The following TLL2 variants were observed in gnomAD, a reference collection of about 807,000 sequenced individuals.
TLL2 encodes tolloid like 2.
In TLL2, 106 loss-of-function variants were observed where a neutral mutation model predicts 123.0. The ratio of observed to expected loss-of-function variants is 0.86; its 90% CI spans 0.74 to 1.01. TLL2 has a LOEUF of 1.01. TLL2 is among the 50% of genes least tolerant of loss of function. The pLI is 0.00. For synonymous variants in TLL2, 494 were observed against 516.8 expected, an observed-to-expected ratio of 0.96 and a Z score of 0.60; for missense variants, 1,332 against 1,336.7, an observed-to-expected ratio of 1.00 and a Z score of 0.06.
intron 2 of TLL2, among the ~76,000 whole-genome samples, chr10:96,454,011 GCACACA>G (rs138026221): frequency 1.3e-5 from 2 of 149,944 alleles, no homozygotes; most frequent in African/African-American, 4.9e-5. Context: ...GTGTGCGCCT[GCACACA>G]CACACACACA....
At position 96,387,536 on chromosome 10, in the gene TLL2, C is replaced by A. The variant is rs1342675978; in HGVS notation, c.1727-458G>T. Among the ~76,000 whole-genome samples the A allele has an allele frequency of 8.5e-5, 13 of 152,284 alleles. No individual in the cohort carries two copies. In the East Asian group the frequency reaches 2.1e-3, roughly 25 times the overall value. On this transcript the variant is annotated intron_variant, in intron 13 of 20. Coordinates refer to ENST00000357947, the MANE Select transcript of TLL2 (RefSeq NM_012465.4). The stretch of plus-strand genomic sequence containing the variant: ...TGCTAGATGAAGATGTGTCAGTATT[C>A]TCTAGACATTAGAGACAGAATCTGT...
At chr10:96,471,195 G>A (rs1847179478) in intron 2 of TLL2, among the ~76,000 whole-genome samples, 1 of 152,094 alleles carries the variant, frequency 6.6e-6, no homozygotes, top group African/African-American at 2.4e-5. Flanking sequence ...AGTAGAGATG[G>A]GGTTTCACTA....
intron 4 of TLL2, among the ~76,000 whole-genome samples, chr10:96,432,222 C>T (rs1368139173): frequency 6.6e-6 from 1 of 152,182 alleles, no homozygotes; most frequent in Non-Finnish European, 1.5e-5. Context: ...CCATTTGATT[C>T]TCAAAACAAC....
chr10:96,388,879 C>A (rs947530138), intron 13 of TLL2, among the ~76,000 whole-genome samples: 3 of 152,208 alleles, frequency 2.0e-5, no homozygotes, highest in African/African-American at 7.2e-5. Context: ...GTGATGTACT[C>A]TTGGGCTCAA....
At chr10:96,402,789 A>T (rs11599534) in intron 10 of TLL2, among the ~76,000 whole-genome samples, 16,956 of 152,186 alleles carry the variant, frequency 0.11, 1,199 homozygotes, top group South Asian at 0.19. Context: ...CTGCCAGGCT[A>T]CCTTGAGTCC....
At chr10:96,499,345 T>TG (rs1358767281) in intron 1 of TLL2, among the ~76,000 whole-genome samples, 1 of 152,104 alleles carries the variant, frequency 6.6e-6, no homozygotes, top group East Asian at 1.9e-4. Context: ...TGGGTGGAGG[T>TG]GGGGGTGGCT....
chr10:96,473,844 A>ACAAG, intron 2 of TLL2, among the ~76,000 whole-genome samples: 1 of 152,206 alleles, frequency 6.6e-6, no homozygotes, highest in Admixed American at 6.5e-5. Context: ...AAACAAACAA[A>ACAAG]CAGAAAGTTC....
chr10:96,370,911 C>A (rs930352097), intron 19 of TLL2, among the ~76,000 whole-genome samples: 2 of 152,202 alleles, frequency 1.3e-5, no homozygotes, highest in Non-Finnish European at 2.9e-5. Context: ...AGGCTCTGGG[C>A]TGGTATTCTG....
intron 16 of TLL2, among the ~76,000 whole-genome samples, chr10:96,382,793 G>C (rs190506487): frequency 5.3e-5 from 8 of 152,290 alleles, no homozygotes; most frequent in Admixed American, 3.3e-4. Flanking sequence ...ATACATTTCT[G>C]TTCACTATAA....
In TLL2 at chr10:96,384,657, GT is replaced by G. The variant is rs1351312468; in HGVS notation, c.2123del (p.Asn708ThrfsTer107). ...CGGACTTGAACTCCACGCGCATGTT[GT>G]TGCTCTGCGAGGTGATGACCTCCGG... ...ETPEVITSQS[N>X]NMRVEFKSDN... is the part of the protein sequence containing the mutation. On this transcript the variant is annotated frameshift_variant, in exon 16 of 21. Coordinates refer to ENST00000357947, the MANE Select transcript of TLL2 (RefSeq NM_012465.4). LOFTEE classifies it high-confidence loss of function. The G allele has an allele frequency of 6.2e-7, 1 of 1,612,830 alleles. No individual in the cohort carries two copies. Among genetic ancestry groups the G allele is most frequent in the African/African-American group, 1.3e-5 (1 of 74,892 alleles).
chr10:96,373,917 TC>T, intron 18 of TLL2, 108 bp from the exon 19 acceptor site: 1 of 935,144 alleles, frequency 1.1e-6, no homozygotes, highest in Non-Finnish European at 1.6e-6. Context: ...CAGGGAGACG[TC>T]CAGCTGGCTG....
intron 2 of TLL2, among the ~76,000 whole-genome samples, chr10:96,460,259 A>G (rs1354896215): frequency 6.6e-6 from 1 of 152,246 alleles, no homozygotes; most frequent in African/African-American, 2.4e-5. Flanking sequence ...GAGAGGGGAA[A>G]TTGGCAAACA....
At chr10:96,408,430 A>T (rs1474911657) in intron 9 of TLL2, among the ~76,000 whole-genome samples, 1 of 152,198 alleles carries the variant, frequency 6.6e-6, no homozygotes, top group African/African-American at 2.4e-5. Flanking sequence ...TCAATGATGT[A>T]TATTCTCTCT....
chr10:96,382,804 A>G (rs1846197710), intron 16 of TLL2, among the ~76,000 whole-genome samples: 1 of 152,208 alleles, frequency 6.6e-6, no homozygotes, highest in East Asian at 1.9e-4. Context: ...TTCACTATAA[A>G]TTACCTAGTC....
intron 4 of TLL2, among the ~76,000 whole-genome samples, chr10:96,431,894 C>T (rs1030063954): frequency 7.2e-5 from 11 of 151,976 alleles, no homozygotes; most frequent in African/African-American, 2.7e-4. Flanking sequence ...AAAGGGCCTC[C>T]AAGGGAGACA....
chr10:96,506,178 G>A (rs1029908340), intron 1 of TLL2, among the ~76,000 whole-genome samples: 1 of 136,982 alleles, frequency 7.3e-6, no homozygotes. Context: ...ATTGAATCCG[G>A]GAAGTGGAGG....
chr10:96,513,334 C>A (rs1392732068), intron 1 of TLL2, among the ~76,000 whole-genome samples, 177 bp downstream of exon 1: 2 of 152,206 alleles, frequency 1.3e-5, no homozygotes, highest in Non-Finnish European at 2.9e-5. Context: ...CCGGGACATC[C>A]CAGCCTCGGA....
chr10:96,484,522 C>G (rs565038442), intron 1 of TLL2, among the ~76,000 whole-genome samples: 1 of 150,030 alleles, frequency 6.7e-6, no homozygotes, highest in African/African-American at 2.5e-5. Context: ...AATGATTCAT[C>G]TATAGAGATA....
At chr10:96,441,811 C>CTCAG (rs1339880685) in intron 3 of TLL2, among the ~76,000 whole-genome samples, 1 of 152,176 alleles carries the variant, frequency 6.6e-6, no homozygotes, top group Non-Finnish European at 1.5e-5. Flanking sequence ...GTTCGTGGGG[C>CTCAG]TCAGTTGTTA....
Sources: allele counts gnomAD v4.1 joint callset (sites outside exome capture counted in the v4.1 genomes callset), GRCh38; gene constraint gnomAD v4.1.1; transcripts MANE v1.5; gene names NCBI Gene and HGNC (gene_info 2026-07-23, HGNC 2026-07-21).